Variants in ZBTB20 observed in about 807,000 individuals in gnomAD.
ZBTB20 encodes the protein zinc finger and BTB domain containing 20.
A neutral mutation model predicts 56.9 loss-of-function variants in ZBTB20; 9 were observed. The observed-to-expected ratio is 0.16, with a 90% CI of 0.10 to 0.28. ZBTB20 has a LOEUF of 0.28. ZBTB20 is among the 10% of genes least tolerant of loss of function. The pLI is 1.00. For missense variants in ZBTB20, 655 were observed against 1,003.0 expected (o/e 0.65, Z 4.69); for synonymous variants, 417 against 420.7 (o/e 0.99, Z 0.11).
intron 7 of ZBTB20, among the ~76,000 whole-genome samples, chr3:114,449,110 T>C (rs1406277370): frequency 6.6e-6 from 1 of 152,170 alleles, no homozygotes; most frequent in Non-Finnish European, 1.5e-5. Flanking sequence ...CATTTAATTT[T>C]CAGGGTCTGT....
intron 2 of ZBTB20, among the ~76,000 whole-genome samples, chr3:115,037,307 CAG>C (rs1006405227): frequency 2.6e-5 from 4 of 151,982 alleles, no homozygotes; most frequent in Non-Finnish European, 4.4e-5. Flanking sequence ...GAGGTGGAAA[CAG>C]AGTCTCACTC....
rs140734882 is a variant in ZBTB20 at position 114,439,385 on chromosome 3, C to G, written c.-254-50280G>C. Among the ~76,000 whole-genome samples, 647 of 152,140 alleles carry G rather than the reference C, an allele frequency of 4.3e-3. 21 individuals carry two copies. Among genetic ancestry groups the G allele is most frequent in the Admixed American group, 0.026 (404 of 15,270 alleles). On this transcript the variant is annotated intron_variant, in intron 7 of 11. Coordinates refer to ENST00000675478, the MANE Select transcript of ZBTB20 (RefSeq NM_001348800.3). Reference sequence around the variant, plus strand: ...CAGAAACAGAAGAATCTGGTCATAGCCTAGCAGAAACTCCCTCATTTCACC... The same window carrying G: ...CAGAAACAGAAGAATCTGGTCATAGGCTAGCAGAAACTCCCTCATTTCACC...
At chr3:114,697,925 T>C (rs1346275348) in intron 5 of ZBTB20, among the ~76,000 whole-genome samples, 1 of 152,150 alleles carries the variant, frequency 6.6e-6, no homozygotes, top group African/African-American at 2.4e-5. Flanking sequence ...CTTGAGCTGG[T>C]GACCCCAATA....
At chr3:114,878,397 T>C (rs1462527427) in intron 4 of ZBTB20, among the ~76,000 whole-genome samples, 1 of 152,024 alleles carries the variant, frequency 6.6e-6, no homozygotes. Context: ...GAACCAGCTC[T>C]TCAAAAAGAA....
intron 4 of ZBTB20, among the ~76,000 whole-genome samples, chr3:114,812,984 C>G (rs894856520): frequency 3.3e-5 from 5 of 151,336 alleles, no homozygotes; most frequent in African/African-American, 1.2e-4. Flanking sequence ...ACCCGGGACT[C>G]GCGCTTGCCC....
At chr3:114,888,054 C>T (rs767599804) in intron 4 of ZBTB20, among the ~76,000 whole-genome samples, 4 of 150,596 alleles carry the variant, frequency 2.7e-5, no homozygotes, top group Non-Finnish European at 5.9e-5. Flanking sequence ...CCAATCCTTT[C>T]AAGCAAGCCA....
chr3:114,416,326 TAA>T (rs35964942), intron 7 of ZBTB20, among the ~76,000 whole-genome samples: 49,372 of 145,290 alleles, frequency 0.34, 8,953 homozygotes, highest in African/African-American at 0.45. Flanking sequence ...TAGCAATACT[TAA>T]AAAAAAAAAA....
chr3:114,477,622 A>G (rs1381528574), intron 7 of ZBTB20, among the ~76,000 whole-genome samples: 2 of 149,682 alleles, frequency 1.3e-5, no homozygotes, highest in African/African-American at 4.9e-5. Flanking sequence ...CAGCCTCCCG[A>G]GTATCTGGGA....
At chr3:114,477,993 T>A (rs1377730434) in intron 7 of ZBTB20, among the ~76,000 whole-genome samples, 1 of 138,424 alleles carries the variant, frequency 7.2e-6, no homozygotes, top group South Asian at 2.6e-4. Flanking sequence ...TTCTTTCTTT[T>A]TTTTGAGGCA....
At chr3:114,549,464 A>G (rs2050287998) in intron 6 of ZBTB20, among the ~76,000 whole-genome samples, 1 of 152,262 alleles carries the variant, frequency 6.6e-6, no homozygotes, top group South Asian at 2.1e-4. Flanking sequence ...TTTTTTCAAC[A>G]TGGTAATATT....
chr3:114,637,261 T>G (rs1338245661), intron 6 of ZBTB20, among the ~76,000 whole-genome samples: 3 of 152,052 alleles, frequency 2.0e-5, no homozygotes, highest in Non-Finnish European at 4.4e-5. Flanking sequence ...TTTTTATTTT[T>G]CCAAAGCTTT....
intron 6 of ZBTB20, among the ~76,000 whole-genome samples, chr3:114,668,808 C>A (rs907364495): frequency 1.3e-4 from 20 of 152,108 alleles, no homozygotes; most frequent in Admixed American, 1.1e-3. Context: ...AATCTTAGAA[C>A]CCTTTCTCTA....
chr3:114,360,905 C>T (rs1308050989), intron 10 of ZBTB20, among the ~76,000 whole-genome samples: 1 of 151,850 alleles, frequency 6.6e-6, no homozygotes, highest in Non-Finnish European at 1.5e-5. Context: ...CTTTTTGGCT[C>T]ATACTGAGAT....
chr3:114,843,430 T>G (rs1363954033), intron 4 of ZBTB20, among the ~76,000 whole-genome samples: 1 of 152,188 alleles, frequency 6.6e-6, no homozygotes, highest in Non-Finnish European at 1.5e-5. Flanking sequence ...TCTGAAAAAT[T>G]ACGCAAATCT....
intron 10 of ZBTB20, among the ~76,000 whole-genome samples, chr3:114,379,427 T>C (rs894343193): frequency 2.6e-5 from 4 of 152,226 alleles, no homozygotes; most frequent in African/African-American, 4.8e-5. Flanking sequence ...CTCTGAAGTA[T>C]TGGGTTACAT....
intron 1 of ZBTB20, among the ~76,000 whole-genome samples, chr3:115,088,874 G>A (rs139961942): frequency 1.6e-4 from 25 of 151,888 alleles, no homozygotes; most frequent in Admixed American, 1.3e-3. Context: ...GTTTCACAGC[G>A]TGTCATAATA....
intron 1 of ZBTB20, among the ~76,000 whole-genome samples, chr3:115,105,045 A>T (rs2083682609): frequency 6.6e-6 from 1 of 152,164 alleles, no homozygotes; most frequent in Non-Finnish European, 1.5e-5. Flanking sequence ...TTAAACAATA[A>T]ATTAAAAGAA....
At chr3:114,802,544 G>A (rs1380739430) in intron 4 of ZBTB20, among the ~76,000 whole-genome samples, 1 of 151,754 alleles carries the variant, frequency 6.6e-6, no homozygotes, top group Non-Finnish European at 1.5e-5. Flanking sequence ...CCTGAATTAG[G>A]CTAAAAATGA....
chr3:115,121,783 G>T (rs2084187969), intron 1 of ZBTB20, among the ~76,000 whole-genome samples: 1 of 151,878 alleles, frequency 6.6e-6, no homozygotes, highest in South Asian at 2.1e-4. Context: ...ATTCCAGTAA[G>T]CACCTATAGG....
Sources: gnomAD v4.1 joint callset for allele counts (sites outside exome capture counted in the v4.1 genomes callset) on GRCh38, gnomAD v4.1.1 for gene constraint, MANE v1.5 for transcripts, NCBI Gene and HGNC (gene_info 2026-07-23, HGNC 2026-07-21) for gene names.